Variants in CAB39L observed in about 807,000 individuals in gnomAD.
CAB39L encodes calcium binding protein 39 like, also known as calcium-binding protein 39-like.
Under a neutral mutation model 39.1 loss-of-function variants are expected in CAB39L, and 23 were observed. The ratio of observed to expected loss-of-function variants is 0.59; its 90% CI spans 0.42 to 0.83. The LOEUF (loss-of-function observed/expected upper bound fraction) is 0.83, where lower values mean the gene tolerates loss of function less well. Ranked by LOEUF, CAB39L falls within the 40% of genes least tolerant of loss-of-function variation. The probability of loss-of-function intolerance (pLI) is 0.00; values close to 1 mark genes in which losing one functional copy is unlikely to be tolerated. For missense variants in CAB39L, 366 were observed against 391.9 expected, an observed-to-expected ratio of 0.93 and a Z score of 0.56; for synonymous variants, 126 against 137.2, an observed-to-expected ratio of 0.92 and a Z score of 0.57.
At chr13:49,431,588 T>TC (rs769400139) in intron 3 of CAB39L, among the ~76,000 whole-genome samples, 23 of 151,950 alleles carry the variant, frequency 1.5e-4, no homozygotes, top group African/African-American at 5.3e-4. Context: ...ACTCCTGTAA[T>TC]CCCAGCTACT....
At chr13:49,425,139 T>C (rs1204486113) in intron 3 of CAB39L, among the ~76,000 whole-genome samples, 3 of 146,756 alleles carry the variant, frequency 2.0e-5, no homozygotes, top group African/African-American at 8.2e-5. Flanking sequence ...ACAATGCACA[T>C]GGTAATATAT....
intron 7 of CAB39L, among the ~76,000 whole-genome samples, chr13:49,344,838 A>T (rs1046120724): frequency 6.6e-6 from 1 of 152,166 alleles, no homozygotes; most frequent in African/African-American, 2.4e-5. Flanking sequence ...CGTAGGACTG[A>T]CATTTAGCAG....
chr13:49,393,797 A>T (rs796309428), intron 3 of CAB39L, among the ~76,000 whole-genome samples: 14 of 152,076 alleles, frequency 9.2e-5, no homozygotes, highest in African/African-American at 3.1e-4. Flanking sequence ...GTCCAAAAAA[A>T]TTTTTTTGGT....
intron 3 of CAB39L, among the ~76,000 whole-genome samples, chr13:49,389,743 C>T (rs896912715): frequency 6.6e-6 from 1 of 152,178 alleles, no homozygotes; most frequent in African/African-American, 2.4e-5. Context: ...AGTTTTTATT[C>T]CAGTTTATAC....
At chr13:49,433,935 C>T (rs1957367372) in intron 2 of CAB39L, 151 bp downstream of exon 2, 2 of 320,908 alleles carry the variant, frequency 6.2e-6, no homozygotes, top group Non-Finnish European at 1.2e-5. Context: ...AAAACCCATG[C>T]CTGCTAGATT....
chr13:49,380,122 A>T (rs977203762), intron 4 of CAB39L, among the ~76,000 whole-genome samples: 2 of 152,230 alleles, frequency 1.3e-5, no homozygotes, highest in Admixed American at 6.5e-5. Flanking sequence ...TACAGGCGTG[A>T]GCCACTGCAT....
intron 5 of CAB39L, among the ~76,000 whole-genome samples, chr13:49,370,691 C>T (rs534466337): frequency 9.2e-5 from 14 of 152,302 alleles, no homozygotes; most frequent in Admixed American, 8.5e-4. Context: ...AAGCAGTCTT[C>T]ATCCTTATGC....
At chr13:49,341,656 T>C (rs567872309) in intron 8 of CAB39L, among the ~76,000 whole-genome samples, 4 of 152,324 alleles carry the variant, frequency 2.6e-5, no homozygotes, top group Non-Finnish European at 4.4e-5. Context: ...AAATAAGTTC[T>C]AGTATTCAAC....
intron 3 of CAB39L, among the ~76,000 whole-genome samples, chr13:49,405,535 G>A (rs145688671): frequency 6.6e-6 from 1 of 151,994 alleles, no homozygotes; most frequent in South Asian, 2.1e-4. Flanking sequence ...AGCACTTTGG[G>A]AGGCTGAGAC....
intron 3 of CAB39L, chr13:49,401,044 T>C (rs1265415896): frequency 6.6e-6 from 1 of 152,182 alleles, no homozygotes; most frequent in Admixed American, 6.5e-5. Flanking sequence ...CATATATAAG[T>C]AATAACTGCA....
At chr13:49,364,405 C>T (rs1955717504) in intron 5 of CAB39L, among the ~76,000 whole-genome samples, 1 of 152,004 alleles carries the variant, frequency 6.6e-6, no homozygotes, top group African/African-American at 2.4e-5. Flanking sequence ...CAACTTTTAC[C>T]ACTGTTATTC....
chr13:49,433,964 C>A, intron 2 of CAB39L, 122 bp downstream of exon 2: 1 of 327,128 alleles, frequency 3.1e-6, no homozygotes. Context: ...TCTACTCCAC[C>A]ACTTTTAGTT....
chr13:49,374,244 A>G (rs774985566), intron 5 of CAB39L, among the ~76,000 whole-genome samples: 8 of 152,212 alleles, frequency 5.3e-5, no homozygotes, highest in Non-Finnish European at 1.0e-4. Context: ...CACAATAACA[A>G]ATCTTCATAA....
In CAB39L at chr13:49,313,660, C is replaced by T. The variant is rs545048041; in HGVS notation, c.835-2667G>A. Among the ~76,000 whole-genome samples the T allele has an allele frequency of 6.6e-5, 10 of 152,306 alleles. No individual in the cohort carries two copies. The East Asian group carries it at 1.9e-3, about 29-fold the overall frequency. ...CTGGTGCACTATTTTGTAAAAGACA[C>T]ACTCCTTAGTTACTGCTACATACAT... On this transcript the variant is annotated intron_variant, in intron 10 of 10. Transcript: ENST00000409308.
At chr13:49,412,837 A>C (rs1438789140) in intron 3 of CAB39L, 1 of 152,158 alleles carries the variant, frequency 6.6e-6, no homozygotes, top group Non-Finnish European at 1.5e-5. Context: ...TGTGCTGTCT[A>C]TGAGACTCTA....
intron 3 of CAB39L, among the ~76,000 whole-genome samples, chr13:49,422,299 G>A (rs1417716804): frequency 2.0e-5 from 3 of 152,182 alleles, no homozygotes; most frequent in East Asian, 1.9e-4. Context: ...CTGGCCGGGC[G>A]TGGTGGCTCA....
At chr13:49,422,559 C>T (rs554271405) in intron 3 of CAB39L, among the ~76,000 whole-genome samples, 7 of 151,828 alleles carry the variant, frequency 4.6e-5, no homozygotes, top group East Asian at 1.9e-4. Context: ...GGAGACAGAG[C>T]GAGACTCTGT....
intron 3 of CAB39L, among the ~76,000 whole-genome samples, chr13:49,410,922 C>T (rs749912408): frequency 6.6e-6 from 1 of 151,918 alleles, no homozygotes; most frequent in Non-Finnish European, 1.5e-5. Context: ...GATTATAATC[C>T]TTTAATAACT....
At chr13:49,352,828 AC>A (rs1432951210) in intron 6 of CAB39L, among the ~76,000 whole-genome samples, 6 of 152,190 alleles carry the variant, frequency 3.9e-5, no homozygotes, top group Non-Finnish European at 7.3e-5. Context: ...TTTTTATGGA[AC>A]TTTTATGATA....
Sources: allele counts gnomAD v4.1 joint callset (sites outside exome capture counted in the v4.1 genomes callset), GRCh38; gene constraint gnomAD v4.1.1; transcripts MANE v1.5; gene names NCBI Gene and HGNC (gene_info 2026-07-23, HGNC 2026-07-21).